EYA1: variants seen among roughly 807,000 people sequenced by gnomAD.
EYA1 encodes the protein protein phosphatase EYA1.
In EYA1, 16 loss-of-function variants were observed where a neutral mutation model predicts 82.0. The observed-to-expected ratio is 0.20, with a 90% CI of 0.13 to 0.30. The LOEUF is 0.30. Ranked by LOEUF, EYA1 falls within the 10% of genes least tolerant of loss-of-function variation. The pLI is 1.00. For missense variants in EYA1, 633 were observed against 730.7 expected (o/e 0.87, Z 1.54); for synonymous variants, 261 against 264.4 (o/e 0.99, Z 0.12).
At chr8:71,425,649 G>C (rs1384997107) in intron 2 of EYA1, among the ~76,000 whole-genome samples, 4 of 152,114 alleles carry the variant, frequency 2.6e-5, no homozygotes, top group African/African-American at 9.7e-5. Flanking sequence ...TCTTGGATCA[G>C]AAAAAGGCAC....
At chr8:71,438,825 G>A (rs1292361991) in intron 2 of EYA1, among the ~76,000 whole-genome samples, 4 of 152,196 alleles carry the variant, frequency 2.6e-5, no homozygotes, top group Non-Finnish European at 4.4e-5. Flanking sequence ...TAGATGGCAA[G>A]GTGGCAAACC....
Position 71,311,484 on chromosome 8 carries a change from C to T in EYA1, c.556+6068G>A, listed in dbSNP as rs77783716. Among the ~76,000 whole-genome samples the T allele has an allele frequency of 2.2e-4, 34 of 152,268 alleles. No individual in the cohort carries two copies. The East Asian group carries it at 5.8e-3, about 26-fold the overall frequency. ...GTTTGCAGAACTGACCCAAGGGTCT[C>T]CAGGCACACTCTGTCCATCCACACC... On this transcript the variant is annotated intron_variant, in intron 7 of 17. Coordinates refer to ENST00000340726, the MANE Select transcript of EYA1 (RefSeq NM_000503.6).
rs143403045 is a variant in EYA1 at position 71,250,491 on chromosome 8, G to A, written c.1051-5799C>T. ...CCACAGCTCTATGTGTTCTTGTCTCGGCAGGCCAGGGGTTTAATCCCTGTA... is the reference window on the plus strand; with the variant it reads ...CCACAGCTCTATGTGTTCTTGTCTCAGCAGGCCAGGGGTTTAATCCCTGTA... On this transcript the variant is annotated intron_variant, in intron 11 of 17. Coordinates refer to ENST00000340726, the MANE Select transcript of EYA1 (RefSeq NM_000503.6). Among the ~76,000 whole-genome samples, 105 of 152,216 alleles carry A rather than the reference G, an allele frequency of 6.9e-4. No individual in the cohort carries two copies. In the East Asian group the frequency reaches 0.017, roughly 24 times the overall value.
chr8:71,435,963 T>G (rs1805980685), intron 2 of EYA1, among the ~76,000 whole-genome samples: 1 of 152,184 alleles, frequency 6.6e-6, no homozygotes, highest in African/African-American at 2.4e-5. Context: ...ACAAATGTAT[T>G]TCTCCTTTAT....
At chr8:71,354,945 C>A (rs1329849244) in intron 2 of EYA1, 36 bp from the exon 3 acceptor site, 11 of 1,606,650 alleles carry the variant, frequency 6.8e-6, no homozygotes, top group Non-Finnish European at 9.4e-6. Context: ...ACAGATGTAC[C>A]AAATTCATAA....
chr8:71,311,829 GGTTTT>G (rs1821374865), intron 7 of EYA1, among the ~76,000 whole-genome samples: 1 of 152,192 alleles, frequency 6.6e-6, no homozygotes, highest in African/African-American at 2.4e-5. Flanking sequence ...CAATCACTGA[GGTTTT>G]ATTTCATGGA....
intron 2 of EYA1, among the ~76,000 whole-genome samples, chr8:71,459,635 G>T (rs1413044194): frequency 1.2e-5 from 1 of 83,528 alleles, no homozygotes; most frequent in African/African-American, 1.1e-4. Context: ...TCTTTTCTGA[G>T]AGCTTTTTTC....
intron 4 of EYA1, among the ~76,000 whole-genome samples, chr8:71,325,368 C>T (rs1168638614): frequency 3.3e-5 from 5 of 152,146 alleles, no homozygotes; most frequent in Admixed American, 1.3e-4. Context: ...GCACCCCCAA[C>T]ATTGCATTAT....
intron 2 of EYA1, among the ~76,000 whole-genome samples, chr8:71,534,700 A>G (rs1446560339): frequency 1.3e-5 from 2 of 152,130 alleles, no homozygotes; most frequent in Non-Finnish European, 1.5e-5. Flanking sequence ...GGAGCTGAAC[A>G]ATGAGAACAC....
chr8:71,403,112 A>C (rs1830043451), intron 2 of EYA1, among the ~76,000 whole-genome samples: 1 of 152,242 alleles, frequency 6.6e-6, no homozygotes, highest in Non-Finnish European at 1.5e-5. Flanking sequence ...AAACTGTTGT[A>C]TGGCATAAGA....
At chr8:71,362,090 C>A (rs1340775116), upstream of EYA1, 1 of 984,236 alleles carries the variant, frequency 1.0e-6, no homozygotes, top group Non-Finnish European at 1.2e-6. Context: ...AAAGAAACAG[C>A]AGAATCTCAT....
At position 71,375,892 on chromosome 8, in the gene EYA1, G is replaced by A. The variant is rs542443176; in HGVS notation, c.34-19381C>T. 7.8e-4 allele frequency among the ~76,000 whole-genome samples: 118 copies of A among 152,232 alleles called. 1 individual carries two copies. Among genetic ancestry groups the A allele is most frequent in the African/African-American group, 2.7e-3 (112 of 41,526 alleles). On this transcript the variant is annotated intron_variant, in intron 2 of 18. Coordinates refer to the EYA1 transcript ENST00000643681. ...GATCCACCTGCCTCTGCCTCCCATCGTGCTGGGATTACAGGTGTGAGCCAC... is the reference window on the plus strand; with the variant it reads ...GATCCACCTGCCTCTGCCTCCCATCATGCTGGGATTACAGGTGTGAGCCAC...
At chr8:71,531,309 T>C (rs1273047552) in intron 2 of EYA1, 1 of 152,214 alleles carries the variant, frequency 6.6e-6, no homozygotes, top group Admixed American at 6.5e-5. Context: ...TTATCATATC[T>C]GTTTTATAGC....
intron 1 of EYA1, among the ~76,000 whole-genome samples, chr8:71,539,365 C>G (rs539834003): frequency 1.3e-5 from 2 of 152,284 alleles, no homozygotes; most frequent in East Asian, 3.9e-4. Context: ...CCTTCCAAGG[C>G]CACCACAACA....
chr8:71,331,824 T>C (rs1330070753), intron 4 of EYA1, among the ~76,000 whole-genome samples: 1 of 152,168 alleles, frequency 6.6e-6, no homozygotes, highest in Non-Finnish European at 1.5e-5. Flanking sequence ...TTGCTTCCAG[T>C]TCAACACTAT....
intron 17 of EYA1, among the ~76,000 whole-genome samples, chr8:71,210,315 A>G (rs1808343164): frequency 6.6e-6 from 1 of 152,196 alleles, no homozygotes; most frequent in African/African-American, 2.4e-5. Flanking sequence ...ACAATGACGG[A>G]ATGGTATTAG....
At chr8:71,357,322 T>C (rs753586990) in intron 1 of EYA1, among the ~76,000 whole-genome samples, 1 of 152,252 alleles carries the variant, frequency 6.6e-6, no homozygotes, top group East Asian at 1.9e-4. Context: ...TCAGTCTCTC[T>C]TGTTTCTAGA....
intron 16 of EYA1, among the ~76,000 whole-genome samples, chr8:71,211,873 A>G (rs1300871908): frequency 1.3e-5 from 2 of 152,182 alleles, no homozygotes; most frequent in African/African-American, 4.8e-5. Flanking sequence ...AATTTGAGGT[A>G]GTGCAGCAAG....
At chr8:71,407,954 G>A (rs1274897561) in intron 2 of EYA1, among the ~76,000 whole-genome samples, 3 of 150,948 alleles carry the variant, frequency 2.0e-5, no homozygotes, top group Admixed American at 6.6e-5. Context: ...AGGAAAAAAT[G>A]TTAAGGGCAG....
Sources: gnomAD v4.1 joint callset for allele counts (sites outside exome capture counted in the v4.1 genomes callset) on GRCh38, gnomAD v4.1.1 for gene constraint, MANE v1.5 for transcripts, NCBI Gene and HGNC (gene_info 2026-07-23, HGNC 2026-07-21) for gene names.